GLRA1: variants seen among roughly 807,000 people sequenced by gnomAD.
The protein encoded by GLRA1 is glycine receptor subunit alpha-1.
In GLRA1, 37 loss-of-function variants were observed where a neutral mutation model predicts 48.3. The ratio of observed to expected loss-of-function variants is 0.77; its 90% CI spans 0.59 to 1.01. The LOEUF (loss-of-function observed/expected upper bound fraction) is 1.01, where lower values mean the gene tolerates loss of function less well. GLRA1 is among the 50% of genes least tolerant of loss of function. GLRA1 has a pLI of 0.00. For synonymous variants in GLRA1, 196 were observed against 210.7 expected, an observed-to-expected ratio of 0.93 and a Z score of 0.60; for missense variants, 427 against 571.0, an observed-to-expected ratio of 0.75 and a Z score of 2.57.
chr5:151,917,349 A>T lies in GLRA1; in HGVS notation c.56+7145T>A, dbSNP rs573896981. Among the ~76,000 whole-genome samples, 3 of 152,292 alleles carry T rather than the reference A, an allele frequency of 2.0e-5. 1 individual carries two copies. In the South Asian group the frequency reaches 6.2e-4, roughly 32 times the overall value. On this transcript the variant is annotated intron_variant, in intron 1 of 8. Coordinates refer to ENST00000274576, the MANE Select transcript of GLRA1 (RefSeq NM_000171.4). The stretch of plus-strand genomic sequence containing the variant: ...AGCACTGATTTAAAGACTCTTGTTG[A>T]CATTATGGGTTTCTGGGTCCCCATT...
chr5:151,828,843 TAACACA>T lies in GLRA1; in HGVS notation c.1059+72_1059+77del. The T allele has an allele frequency of 3.5e-6, 5 of 1,411,780 alleles. No homozygotes were observed. In the South Asian group the frequency reaches 5.2e-5, roughly 15 times the overall value. 87.5% of individuals were successfully genotyped at this position (1,411,780 alleles called of 1,614,324 possible). A position where few individuals can be genotyped will look rare whatever the true frequency, so the allele number is the denominator to read the frequency against. On this transcript the variant is annotated intron_variant, in intron 8 of 8. Coordinates refer to ENST00000274576, the MANE Select transcript of GLRA1 (RefSeq NM_000171.4). ...GAGAAGGATGGACCATTGAAACAAATAACACAAGACAATACTGCTTAGAACTCTTTT... is the reference window on the plus strand; with the variant it reads ...GAGAAGGATGGACCATTGAAACAAATAGACAATACTGCTTAGAACTCTTTT...
At chr5:151,889,694 G>A (rs1754010078) in intron 2 of GLRA1, among the ~76,000 whole-genome samples, 1 of 152,022 alleles carries the variant, frequency 6.6e-6, no homozygotes, top group African/African-American at 2.4e-5. Context: ...GGAGTCATAG[G>A]GGCCCTGATC....
intron 3 of GLRA1, among the ~76,000 whole-genome samples, chr5:151,872,596 T>C (rs1753516772): frequency 6.7e-6 from 1 of 149,926 alleles, no homozygotes; most frequent in Non-Finnish European, 1.5e-5. Flanking sequence ...ATGCTCATTG[T>C]AGCCTTGTTT....
chr5:151,828,291 C>T (rs866438217), intron 8 of GLRA1, among the ~76,000 whole-genome samples: 3 of 152,122 alleles, frequency 2.0e-5, no homozygotes, highest in African/African-American at 4.8e-5. Context: ...TATGGACCCA[C>T]GGTATGGAGC....
chr5:151,897,652 C>A (rs1413523874), intron 1 of GLRA1, among the ~76,000 whole-genome samples: 1 of 152,132 alleles, frequency 6.6e-6, no homozygotes, highest in Non-Finnish European at 1.5e-5. Context: ...ATGAAAAATA[C>A]TGAAAGCAAT....
intron 3 of GLRA1, 129 bp from the exon 4 acceptor site, chr5:151,860,137 T>TG (rs1753157570): frequency 1.4e-6 from 1 of 719,980 alleles, no homozygotes; most frequent in Non-Finnish European, 2.5e-6. Flanking sequence ...GCATCTTATA[T>TG]GGGGGTGAGA....
intron 7 of GLRA1, among the ~76,000 whole-genome samples, chr5:151,836,629 A>T (rs1014502974): frequency 2.6e-5 from 4 of 152,204 alleles, no homozygotes; most frequent in Non-Finnish European, 4.4e-5. Context: ...ACGGAACAGA[A>T]CAGAGGCCTC....
intron 3 of GLRA1, among the ~76,000 whole-genome samples, chr5:151,883,355 A>G (rs1039203825): frequency 6.6e-6 from 1 of 152,180 alleles, no homozygotes. Flanking sequence ...GCTTACGTGT[A>G]CTTTGTAGGT....
At chr5:151,905,695 C>A (rs1305353005) in intron 1 of GLRA1, among the ~76,000 whole-genome samples, 2 of 152,106 alleles carry the variant, frequency 1.3e-5, no homozygotes, top group African/African-American at 2.4e-5. Flanking sequence ...AAAATTAATT[C>A]TTCATAAGGC....
intron 7 of GLRA1, among the ~76,000 whole-genome samples, chr5:151,848,382 T>A (rs961704191): frequency 6.6e-6 from 1 of 152,190 alleles, no homozygotes; most frequent in African/African-American, 2.4e-5. Flanking sequence ...TTTTCTTTTT[T>A]TTTAGATGGA....
intron 7 of GLRA1, among the ~76,000 whole-genome samples, chr5:151,840,950 C>T (rs4541649): frequency 0.38 from 57,239 of 151,732 alleles, 11,042 homozygotes; most frequent in South Asian, 0.46. Flanking sequence ...TCTTCAAAAC[C>T]CTGCTTTTTA....
At chr5:151,841,119 A>G (rs1763703513) in intron 7 of GLRA1, among the ~76,000 whole-genome samples, 1 of 152,204 alleles carries the variant, frequency 6.6e-6, no homozygotes, top group South Asian at 2.1e-4. Context: ...AGAATAAACC[A>G]TACTATTATG....
At chr5:151,893,174 T>C (rs1451919595) in intron 1 of GLRA1, among the ~76,000 whole-genome samples, 2 of 152,166 alleles carry the variant, frequency 1.3e-5, no homozygotes, top group African/African-American at 4.8e-5. Context: ...ACACTGTTTC[T>C]GTCACCCCTC....
chr5:151,864,494 G>A (rs1012006617), intron 3 of GLRA1, among the ~76,000 whole-genome samples: 1 of 152,238 alleles, frequency 6.6e-6, no homozygotes, highest in Non-Finnish European at 1.5e-5. Flanking sequence ...GGCAGAGCTA[G>A]GACTGCAATC....
chr5:151,884,729 C>T (rs1753852815), intron 3 of GLRA1, among the ~76,000 whole-genome samples: 1 of 107,478 alleles, frequency 9.3e-6, no homozygotes, highest in South Asian at 2.9e-4. Context: ...GTGCACCTGT[C>T]CTCAAATAAC....
chr5:151,838,084 G>A (rs1227984935), intron 7 of GLRA1, among the ~76,000 whole-genome samples: 1 of 152,120 alleles, frequency 6.6e-6, no homozygotes, highest in Non-Finnish European at 1.5e-5. Context: ...AATAGACAAA[G>A]ACTTTAAATC....
At chr5:151,911,106 A>T (rs754245335) in intron 1 of GLRA1, among the ~76,000 whole-genome samples, 1 of 152,238 alleles carries the variant, frequency 6.6e-6, no homozygotes, top group African/African-American at 2.4e-5. Context: ...AACAGGGTGG[A>T]TGCCTGGCCT....
chr5:151,848,862 C>T, intron 7 of GLRA1: 2 of 607,430 alleles, frequency 3.3e-6, no homozygotes, highest in Non-Finnish European at 6.3e-6. Flanking sequence ...CCCGCCTGCT[C>T]AGCGCCCAGA....
In GLRA1 at chr5:151,860,000, C is replaced by T; in HGVS notation, c.261G>A (p.Arg87=). 2 of 1,612,634 alleles carry T rather than the reference C, an allele frequency of 1.2e-6. No homozygotes were observed. Among genetic ancestry groups the T allele is most frequent in the Non-Finnish European group, 1.7e-6 (2 of 1,178,798 alleles). ...ATTGCTGCCGCAGGAAGATGTTGAC[C>T]CTATAGTCCTACAGCCAGGAAATAA... ...GSIAETTMDY[R]VNIFLRQQWN... The change falls in exon 4 of 9, where the codon AGG becomes AGA. Residue 87 remains arginine, a synonymous_variant. Coordinates refer to ENST00000274576, the MANE Select transcript of GLRA1 (RefSeq NM_000171.4).
Sources: gnomAD v4.1 joint callset for allele counts (sites outside exome capture counted in the v4.1 genomes callset) on GRCh38, gnomAD v4.1.1 for gene constraint, MANE v1.5 for transcripts, NCBI Gene and HGNC (gene_info 2026-07-23, HGNC 2026-07-21) for gene names.